PCDHA8: variants seen among roughly 807,000 people sequenced by gnomAD.
PCDHA8 encodes protocadherin alpha 8.
Under a neutral mutation model 61.8 loss-of-function variants are expected in PCDHA8, and 53 were observed. That is an observed-to-expected ratio of 0.86 (90% CI 0.69 to 1.08). The LOEUF (loss-of-function observed/expected upper bound fraction) is 1.08, where lower values mean the gene tolerates loss of function less well. Ranked by LOEUF, PCDHA8 falls within the 50% of genes least tolerant of loss-of-function variation. PCDHA8 has a pLI of 0.00. For synonymous variants in PCDHA8, 618 were observed against 556.6 expected (o/e 1.11, Z -1.55); for missense variants, 1,293 against 1,245.0 (o/e 1.04, Z -0.58).
chr5:140,893,530 A>G (rs2064036357), intron 1 of PCDHA8, among the ~76,000 whole-genome samples: 1 of 152,056 alleles, frequency 6.6e-6, no homozygotes, highest in South Asian at 2.1e-4. Context: ...TCCTTTAAGT[A>G]TTTCTTGTAG....
chr5:140,857,694 C>G (rs1554150531), intron 1 of PCDHA8: 3 of 1,597,142 alleles, frequency 1.9e-6, no homozygotes, highest in South Asian at 1.1e-5. Context: ...AGCAACTTGA[C>G]GCTGCAGGTG....
At chr5:140,911,564 C>A (rs1036102678) in intron 1 of PCDHA8, among the ~76,000 whole-genome samples, 2 of 152,226 alleles carry the variant, frequency 1.3e-5, no homozygotes, top group African/African-American at 4.8e-5. Flanking sequence ...TCTTTCATCA[C>A]TTTGTCCAGT....
At chr5:140,977,342 T>A (rs1554238451) in intron 1 of PCDHA8, among the ~76,000 whole-genome samples, 1 of 152,222 alleles carries the variant, frequency 6.6e-6, no homozygotes, top group South Asian at 2.1e-4. Context: ...GAGACGGTGA[T>A]GATGACTGAT....
Position 140,843,641 on chromosome 5 carries a change from C to T in PCDHA8, c.2320C>T (p.Pro774Ser), listed in dbSNP as rs1231976546. The part of the protein sequence containing the change: ...PPKTDLMAFS[P>S]CLPPDLGSVD... ...GAAGACGGACCTCATGGCCTTCAGCCCCTGCCTTCCTCCTGATCTGGGATC... is the reference window on the plus strand; with the variant it reads ...GAAGACGGACCTCATGGCCTTCAGCTCCTGCCTTCCTCCTGATCTGGGATC... The change falls in exon 1 of 4, where the codon CCC (proline) becomes TCC (serine). Residue 774 changes from proline to serine, a missense_variant. Transcript: ENST00000531613. 2.4e-5 allele frequency: 38 copies of T among 1,595,398 alleles called. 1 individual carries two copies. The highest frequency in any genetic ancestry group is 4.5e-5 in the East Asian group (2 of 44,832).
At chr5:140,975,213 G>A (rs1205237242) in intron 1 of PCDHA8, among the ~76,000 whole-genome samples, 2 of 152,178 alleles carry the variant, frequency 1.3e-5, no homozygotes, top group African/African-American at 4.8e-5. Context: ...GGCTGGCACT[G>A]GAGAATCTTC....
At chr5:140,961,252 C>T (rs1185090498) in intron 1 of PCDHA8, among the ~76,000 whole-genome samples, 1 of 152,158 alleles carries the variant, frequency 6.6e-6, no homozygotes, top group African/African-American at 2.4e-5. Context: ...TTATCCGAAG[C>T]TCCAGGAAGC....
chr5:141,000,421 A>ATTTTTTTTTTTTT (rs34755515), intron 3 of PCDHA8, among the ~76,000 whole-genome samples: 1 of 27,968 alleles, frequency 3.6e-5, no homozygotes, highest in African/African-American at 1.8e-4. Flanking sequence ...ATATATATAT[A>ATTTTTTTTTTTTT]TTTTTTTTTT....
At chr5:140,879,844 C>A (rs1333807567) in intron 1 of PCDHA8, among the ~76,000 whole-genome samples, 1 of 152,194 alleles carries the variant, frequency 6.6e-6, no homozygotes, top group East Asian at 1.9e-4. Context: ...CTGTACCACT[C>A]CCATCTCAGC....
chr5:140,951,176 A>G (rs1392502599), intron 1 of PCDHA8, among the ~76,000 whole-genome samples: 1 of 151,676 alleles, frequency 6.6e-6, no homozygotes, highest in Non-Finnish European at 1.5e-5. Context: ...CTTTAAAGTC[A>G]TTGTCCGCTA....
At chr5:140,869,392 G>A in intron 1 of PCDHA8, 1 of 1,614,164 alleles carries the variant, frequency 6.2e-7, no homozygotes, top group Non-Finnish European at 8.5e-7. Context: ...GGAGCTGTGC[G>A]GGCAGAGCGC....
intron 1 of PCDHA8, among the ~76,000 whole-genome samples, chr5:140,962,961 T>C (rs1483172996): frequency 1.3e-5 from 2 of 152,148 alleles, no homozygotes; most frequent in African/African-American, 4.8e-5. Flanking sequence ...TCTATCCCTA[T>C]ATAGGAAATT....
chr5:140,917,449 C>T (rs1290889939), intron 1 of PCDHA8, among the ~76,000 whole-genome samples: 2 of 152,006 alleles, frequency 1.3e-5, no homozygotes, highest in Admixed American at 6.6e-5. Context: ...GCTGCAAGAG[C>T]GTTTGGCATC....
At chr5:140,844,751 T>G (rs1554140718) in intron 1 of PCDHA8, among the ~76,000 whole-genome samples, 1 of 149,538 alleles carries the variant, frequency 6.7e-6, no homozygotes. Flanking sequence ...ATGGGATAAA[T>G]CTTTGAAAAA....
chr5:140,886,917 T>C (rs893093876), intron 1 of PCDHA8, among the ~76,000 whole-genome samples: 12 of 152,044 alleles, frequency 7.9e-5, no homozygotes, highest in Non-Finnish European at 1.8e-4. Flanking sequence ...TTATTGAGTG[T>C]TCTCTATGTG....
At chr5:140,934,771 A>G (rs1319115042) in intron 1 of PCDHA8, among the ~76,000 whole-genome samples, 2 of 152,184 alleles carry the variant, frequency 1.3e-5, no homozygotes, top group Non-Finnish European at 2.9e-5. Context: ...CATATTTGAT[A>G]TGGCCCAATC....
intron 1 of PCDHA8, among the ~76,000 whole-genome samples, chr5:140,950,286 C>G (rs2094469059): frequency 6.6e-6 from 1 of 151,924 alleles, no homozygotes; most frequent in Non-Finnish European, 1.5e-5. Flanking sequence ...TTGCTTCAAC[C>G]TGAAAAACTT....
chr5:140,859,991 A>G (rs1486965129), intron 1 of PCDHA8: 1 of 152,000 alleles, frequency 6.6e-6, no homozygotes, highest in Admixed American at 6.6e-5. Context: ...TAATCTCTCC[A>G]TCAATACTAA....
At chr5:140,994,809 C>G (rs1366407347) in intron 3 of PCDHA8, among the ~76,000 whole-genome samples, 1 of 152,016 alleles carries the variant, frequency 6.6e-6, no homozygotes, top group Non-Finnish European at 1.5e-5. Flanking sequence ...AAACAAAATA[C>G]AAAAAACTGA....
intron 1 of PCDHA8, chr5:140,851,454 T>C: frequency 1.1e-6 from 1 of 899,244 alleles, no homozygotes; most frequent in Non-Finnish European, 1.4e-6. Flanking sequence ...ACTTTAGGAA[T>C]CAAATTATGT....
Sources: gnomAD v4.1 joint callset for allele counts (sites outside exome capture counted in the v4.1 genomes callset) on GRCh38, gnomAD v4.1.1 for gene constraint, MANE v1.5 for transcripts, NCBI Gene and HGNC (gene_info 2026-07-23, HGNC 2026-07-21) for gene names.